PDE4D: variants seen among roughly 807,000 people sequenced by gnomAD.
The protein encoded by PDE4D is 3',5'-cyclic-AMP phosphodiesterase 4D.
A neutral mutation model predicts 87.4 loss-of-function variants in PDE4D; 24 were observed. The observed-to-expected ratio is 0.27, with a 90% CI of 0.20 to 0.39. The LOEUF (loss-of-function observed/expected upper bound fraction) is 0.39, where lower values mean the gene tolerates loss of function less well. Among genes scored for constraint, PDE4D ranks in the 10% least tolerant of loss-of-function variants. PDE4D has a pLI of 1.00. For synonymous variants in PDE4D, 384 were observed against 383.2 expected (o/e 1.00, Z -0.02); for missense variants, 714 against 1,041.0 (o/e 0.69, Z 4.32).
intron 1 of PDE4D, among the ~76,000 whole-genome samples, chr5:59,869,282 G>A (rs1387723459): frequency 6.6e-6 from 1 of 152,192 alleles, no homozygotes; most frequent in Non-Finnish European, 1.5e-5. Context: ...CTGAGAAACA[G>A]GAGAAGTAGG....
At chr5:59,202,396 C>G (rs906155375) in intron 2 of PDE4D, among the ~76,000 whole-genome samples, 1 of 152,154 alleles carries the variant, frequency 6.6e-6, no homozygotes. Flanking sequence ...GGGTCTCACT[C>G]TGTTGCCCAG....
At chr5:59,829,353 T>A (rs1276172285) in intron 1 of PDE4D, among the ~76,000 whole-genome samples, 3 of 152,084 alleles carry the variant, frequency 2.0e-5, no homozygotes, top group Admixed American at 6.6e-5. Context: ...AAGAAATCCA[T>A]TTGTATATAT....
chr5:59,703,410 T>C (rs1752902953), intron 1 of PDE4D, among the ~76,000 whole-genome samples: 1 of 152,192 alleles, frequency 6.6e-6, no homozygotes, highest in African/African-American at 2.4e-5. Context: ...AGTATCACCT[T>C]AATGGAGGAA....
At position 59,773,809 on chromosome 5, in the gene PDE4D, C is replaced by G. The variant is rs192944003; in HGVS notation, c.455+119359G>C. On this transcript the variant is annotated intron_variant, in intron 1 of 14. Transcript: ENST00000340635. Reference sequence around the variant, plus strand: ...AGAACATGGTTTTTCAAATCATCATCATCATTGACCTTTTATTAGGTACTG... The same window carrying G: ...AGAACATGGTTTTTCAAATCATCATGATCATTGACCTTTTATTAGGTACTG... 1.2e-3 allele frequency among the ~76,000 whole-genome samples: 185 copies of G among 152,190 alleles called. 8 individuals are homozygous for G. Among genetic ancestry groups the G allele is most frequent in the Non-Finnish European group, 1.1e-3 (73 of 67,998 alleles).
intron 1 of PDE4D, among the ~76,000 whole-genome samples, chr5:59,310,146 G>C (rs1290287279): frequency 6.6e-6 from 1 of 152,134 alleles, no homozygotes; most frequent in Non-Finnish European, 1.5e-5. Context: ...GGCTCACAAG[G>C]GTGATAGGGC....
intron 5 of PDE4D, among the ~76,000 whole-genome samples, chr5:59,172,174 A>G (rs2153473513): frequency 9.3e-6 from 1 of 107,920 alleles, no homozygotes; most frequent in South Asian, 2.5e-4. Flanking sequence ...TAATATATGT[A>G]TATAATATAT....
At chr5:59,082,660 C>A (rs1012084472) in intron 5 of PDE4D, among the ~76,000 whole-genome samples, 2 of 152,070 alleles carry the variant, frequency 1.3e-5, no homozygotes, top group Non-Finnish European at 2.9e-5. Context: ...TGCAAAACAT[C>A]ACTGAAGGAC....
At chr5:59,570,646 CA>C (rs35457740) in intron 1 of PDE4D, among the ~76,000 whole-genome samples, 99,092 of 147,056 alleles carry the variant, frequency 0.67, 33,192 homozygotes, top group South Asian at 0.79. Flanking sequence ...GACAAATATG[CA>C]AAAAAAAAAA....
chr5:59,443,536 T>C (rs185822087), intron 1 of PDE4D, among the ~76,000 whole-genome samples: 309 of 152,326 alleles, frequency 2.0e-3, no homozygotes, highest in Non-Finnish European at 3.4e-3. Context: ...AGTGTGATTA[T>C]ATGGAGACAG....
chr5:60,065,607 TC>T lies in PDE4D; in HGVS notation c.43-76891del, dbSNP rs1174739099. On this transcript the variant is annotated intron_variant, in intron 2 of 16. Coordinates refer to the PDE4D transcript ENST00000502484. ...CCCCGCTCCCCCGACCCCACAACAG[TC>T]CCCAGAGTGTGATGTTCCCCTTCCT... Among the ~76,000 whole-genome samples, 3 of 152,014 alleles carry T rather than the reference TC, an allele frequency of 2.0e-5. No homozygotes were observed. In the East Asian group the frequency reaches 5.8e-4, roughly 30 times the overall value.
Position 59,285,625 on chromosome 5 carries a change from G to A in PDE4D, c.456-69657C>T, listed in dbSNP as rs569009858. ...AACGCCAGCATCATTGATAAGAAGC[G>A]AAAAATTTTTTGTTAAATATTTAGG... On this transcript the variant is annotated intron_variant, in intron 1 of 14. Transcript: ENST00000340635. Among the ~76,000 whole-genome samples, 8 of 152,174 alleles carry A rather than the reference G, an allele frequency of 5.3e-5. No individual in the cohort carries two copies. In the East Asian group the frequency reaches 7.7e-4, roughly 15 times the overall value.
intron 1 of PDE4D, among the ~76,000 whole-genome samples, chr5:59,656,590 G>A (rs565209418): frequency 6.6e-6 from 1 of 152,298 alleles, no homozygotes; most frequent in East Asian, 1.9e-4. Flanking sequence ...ACCACAGGCA[G>A]GATGCAGCAT....
At chr5:59,778,001 T>C (rs1764248958) in intron 1 of PDE4D, among the ~76,000 whole-genome samples, 1 of 152,198 alleles carries the variant, frequency 6.6e-6, no homozygotes, top group Admixed American at 6.5e-5. Flanking sequence ...AATTACATAA[T>C]TGAAAGGTAA....
At chr5:59,009,490 G>GT (rs1237962089) in intron 6 of PDE4D, among the ~76,000 whole-genome samples, 3 of 152,166 alleles carry the variant, frequency 2.0e-5, no homozygotes, top group Admixed American at 6.5e-5. Context: ...CAAAAGTATT[G>GT]TAAGTGAAAG....
chr5:59,329,864 T>C (rs534336819), intron 1 of PDE4D, among the ~76,000 whole-genome samples: 17 of 152,278 alleles, frequency 1.1e-4, no homozygotes, highest in Admixed American at 3.9e-4. Flanking sequence ...GTCAAAACAG[T>C]CTCAAATTTA....
intron 2 of PDE4D, among the ~76,000 whole-genome samples, chr5:60,054,330 T>C (rs1229478281): frequency 2.6e-5 from 4 of 151,810 alleles, no homozygotes; most frequent in Non-Finnish European, 4.4e-5. Flanking sequence ...GTGGCATACA[T>C]ACCATGGAAT....
At chr5:60,427,412 G>A (rs888636999) in intron 1 of PDE4D, among the ~76,000 whole-genome samples, 1 of 152,116 alleles carries the variant, frequency 6.6e-6, no homozygotes, top group Non-Finnish European at 1.5e-5. Context: ...TTTTTAAATC[G>A]CTGAAAGGAA....
chr5:58,989,725 G>C (rs368708093), intron 10 of PDE4D, 30 bp downstream of exon 10: 3 of 1,493,598 alleles, frequency 2.0e-6, no homozygotes, highest in African/African-American at 2.8e-5. Flanking sequence ...TGGCAAGTTA[G>C]TGTTCTTGAA....
At chr5:60,043,383 T>C (rs1768755018) in intron 2 of PDE4D, among the ~76,000 whole-genome samples, 1 of 152,078 alleles carries the variant, frequency 6.6e-6, no homozygotes, top group South Asian at 2.1e-4. Flanking sequence ...CAGGATATTA[T>C]CCAGTAGAAT....
Sources: allele counts gnomAD v4.1 joint callset (sites outside exome capture counted in the v4.1 genomes callset), GRCh38; gene constraint gnomAD v4.1.1; transcripts MANE v1.5; gene names NCBI Gene and HGNC (gene_info 2026-07-23, HGNC 2026-07-21).